The following AFF1 variants were observed in gnomAD, a reference collection of about 807,000 sequenced individuals.
AFF1 encodes the protein ALF transcription elongation factor 1, also known as AF4/FMR2 family member 1.
Under a neutral mutation model 121.7 loss-of-function variants are expected in AFF1, and 48 were observed. The observed-to-expected ratio is 0.39, with a 90% CI of 0.31 to 0.50. The LOEUF is 0.50. AFF1 is among the 20% of genes least tolerant of loss of function. The pLI is 0.76. For missense variants in AFF1, 1,523 were observed against 1,511.7 expected, an observed-to-expected ratio of 1.01 and a Z score of -0.12; for synonymous variants, 613 against 563.0, an observed-to-expected ratio of 1.09 and a Z score of -1.26.
At chr4:87,132,001 C>A in intron 18 of AFF1, 137 bp downstream of exon 18, 1 of 823,670 alleles carries the variant, frequency 1.2e-6, no homozygotes, top group Non-Finnish European at 1.8e-6. Context: ...AGGTTAATCC[C>A]TCACTGATAG....
At chr4:86,944,298 C>T (rs1447884270) in intron 1 of AFF1, among the ~76,000 whole-genome samples, 1 of 152,032 alleles carries the variant, frequency 6.6e-6, no homozygotes, top group East Asian at 1.9e-4. Context: ...ACATTATGTC[C>T]CCGACGACAA....
At position 87,138,133 on chromosome 4, in the gene AFF1, C is replaced by T. The variant is rs186729638; in HGVS notation, c.*2432C>T. ...GTACTACTTTGGTCATTGGATATTT[C>T]TGATCCTTATTGCATTGTACCTAAA... On this transcript the variant is annotated 3_prime_UTR_variant, in exon 21 of 21. Transcript: ENST00000395146. 416 of 229,958 alleles carry T rather than the reference C, an allele frequency of 1.8e-3. 5 individuals carry two copies. The highest frequency in any genetic ancestry group is 7.6e-3 in the African/African-American group (340 of 44,960). 14.2% of individuals were successfully genotyped at this position (229,958 alleles called of 1,614,324 possible).
intron 6 of AFF1, among the ~76,000 whole-genome samples, chr4:87,090,890 C>T (rs1445492390): frequency 1.3e-5 from 2 of 151,914 alleles, no homozygotes; most frequent in African/African-American, 2.4e-5. Flanking sequence ...TGGCATGCAC[C>T]TGTAGTCCCA....
At chr4:87,022,197 A>T (rs1055306077) in intron 2 of AFF1, among the ~76,000 whole-genome samples, 1 of 115,570 alleles carries the variant, frequency 8.7e-6, no homozygotes, top group African/African-American at 3.4e-5. Context: ...ACACAGCGAG[A>T]CTCCATCTCA....
intron 2 of AFF1, among the ~76,000 whole-genome samples, chr4:86,997,421 A>G (rs546820810): frequency 3.3e-4 from 50 of 152,344 alleles, no homozygotes; most frequent in Non-Finnish European, 5.9e-4. Context: ...GTATTCTGCT[A>G]TAGGCAGCAG....
intron 2 of AFF1, among the ~76,000 whole-genome samples, chr4:86,971,477 T>A (rs560105076): frequency 1.3e-5 from 2 of 152,326 alleles, no homozygotes; most frequent in South Asian, 4.1e-4. Flanking sequence ...GGTCCTTGTG[T>A]TGCTAGCAGA....
intron 1 of AFF1, among the ~76,000 whole-genome samples, chr4:86,946,744 TGTCA>T (rs562355078): frequency 2.6e-5 from 4 of 152,210 alleles, no homozygotes; most frequent in Non-Finnish European, 4.4e-5. Context: ...TTGTTGGTTC[TGTCA>T]GTCAGTCAAC....
At chr4:86,946,622 G>A (rs1326637277) in intron 1 of AFF1, among the ~76,000 whole-genome samples, 1 of 151,944 alleles carries the variant, frequency 6.6e-6, no homozygotes, top group African/African-American at 2.4e-5. Context: ...GAACTCCTGA[G>A]CTCAAGCATT....
intron 2 of AFF1, among the ~76,000 whole-genome samples, chr4:87,043,687 T>A (rs1730380089): frequency 6.6e-6 from 1 of 152,252 alleles, no homozygotes; most frequent in Non-Finnish European, 1.5e-5. Context: ...CTTCTTCTTT[T>A]CAGTATTTTG....
intron 2 of AFF1, among the ~76,000 whole-genome samples, chr4:86,995,138 T>G (rs1363237862): frequency 2.0e-5 from 3 of 152,052 alleles, no homozygotes; most frequent in South Asian, 4.1e-4. Context: ...GAGGCTGAGG[T>G]AGGAGGATTG....
At chr4:87,109,337 A>G (rs948463035) in intron 11 of AFF1, among the ~76,000 whole-genome samples, 3 of 152,190 alleles carry the variant, frequency 2.0e-5, no homozygotes, top group Non-Finnish European at 4.4e-5. Flanking sequence ...GAGGCTGAGA[A>G]AATAACTGGC....
intron 2 of AFF1, among the ~76,000 whole-genome samples, chr4:86,998,787 A>G (rs1413872556): frequency 6.6e-6 from 1 of 152,196 alleles, no homozygotes; most frequent in Non-Finnish European, 1.5e-5. Context: ...GATGGGAGGA[A>G]TTAGAGATCA....
intron 12 of AFF1, among the ~76,000 whole-genome samples, chr4:87,122,948 G>A (rs1407822226): frequency 6.7e-6 from 1 of 149,534 alleles, no homozygotes; most frequent in East Asian, 2.0e-4. Context: ...AGGCTGGAGT[G>A]CAGTGGCGCA....
chr4:86,991,465 T>TATGCAG (rs1217920050), intron 2 of AFF1, among the ~76,000 whole-genome samples: 1 of 150,808 alleles, frequency 6.6e-6, no homozygotes, highest in African/African-American at 2.4e-5. Flanking sequence ...AAAAAAGAAA[T>TATGCAG]ATGCAGCCAA....
At chr4:87,098,212 C>T (rs182473978) in intron 8 of AFF1, among the ~76,000 whole-genome samples, 5 of 152,154 alleles carry the variant, frequency 3.3e-5, no homozygotes, top group Admixed American at 3.3e-4. Flanking sequence ...GGGGTAGCAA[C>T]GTGGTAGAAG....
intron 4 of AFF1, among the ~76,000 whole-genome samples, chr4:87,082,899 A>C (rs530069486): frequency 6.6e-6 from 1 of 152,370 alleles, no homozygotes; most frequent in African/African-American, 2.4e-5. Context: ...CATAAATTAG[A>C]ACCAAGAACA....
intron 4 of AFF1, among the ~76,000 whole-genome samples, chr4:87,050,894 G>A (rs1578147487): frequency 6.6e-6 from 1 of 152,212 alleles, no homozygotes; most frequent in East Asian, 1.9e-4. Flanking sequence ...GAGATAACAA[G>A]TGAAAGAGAG....
intron 7 of AFF1, among the ~76,000 whole-genome samples, chr4:87,093,756 A>G (rs1267809167): frequency 1.3e-5 from 2 of 152,186 alleles, no homozygotes; most frequent in Non-Finnish European, 2.9e-5. Context: ...ACTAATTGCA[A>G]ATATGCAAGG....
chr4:87,018,200 A>G (rs944541231), intron 2 of AFF1, among the ~76,000 whole-genome samples: 4 of 152,222 alleles, frequency 2.6e-5, no homozygotes, highest in Non-Finnish European at 5.9e-5. Context: ...CTAAGAGCCA[A>G]CCATTGGTGT....
Sources: allele counts gnomAD v4.1 joint callset (sites outside exome capture counted in the v4.1 genomes callset), GRCh38; gene constraint gnomAD v4.1.1; transcripts MANE v1.5; gene names NCBI Gene and HGNC (gene_info 2026-07-23, HGNC 2026-07-21).